Variants in LARS2 observed in about 807,000 individuals in gnomAD.
LARS2 encodes leucine--tRNA ligase, mitochondrial.
In LARS2, 81 loss-of-function variants were observed where a neutral mutation model predicts 116.6. The ratio of observed to expected loss-of-function variants is 0.69; its 90% CI spans 0.58 to 0.84. LARS2 has a LOEUF of 0.84. LARS2 is among the 40% of genes least tolerant of loss of function. LARS2 has a pLI of 0.00. For synonymous variants in LARS2, 396 were observed against 407.2 expected (o/e 0.97, Z 0.33); for missense variants, 968 against 1,114.5 (o/e 0.87, Z 1.87).
chr3:45,456,229 A>G (rs2125709218), intron 7 of LARS2, among the ~76,000 whole-genome samples: 1 of 152,276 alleles, frequency 6.6e-6, no homozygotes, highest in Admixed American at 6.5e-5. Flanking sequence ...ACATATATCA[A>G]AATATCACAC....
chr3:45,432,366 C>T (rs1698732129), intron 6 of LARS2, among the ~76,000 whole-genome samples: 1 of 152,074 alleles, frequency 6.6e-6, no homozygotes, highest in Non-Finnish European at 1.5e-5. Context: ...GGCAAGTGCA[C>T]ATGGGACATT....
In LARS2 at chr3:45,451,680, C is replaced by G. The variant is rs552103469; in HGVS notation, c.606+4700C>G. 7.2e-5 allele frequency among the ~76,000 whole-genome samples: 11 copies of G among 152,110 alleles called. No homozygotes were observed. In the South Asian group the frequency reaches 2.3e-3, roughly 32 times the overall value. On this transcript the variant is annotated intron_variant, in intron 7 of 21. Coordinates refer to ENST00000645846, the MANE Select transcript of LARS2 (RefSeq NM_015340.4). Reference sequence around the variant, plus strand: ...CTGTTTTTGCTCAGGATTGCTTTGGCTATTCAGGGTCTTTTGTGGTTCCAT... The same window carrying G: ...CTGTTTTTGCTCAGGATTGCTTTGGGTATTCAGGGTCTTTTGTGGTTCCAT...
rs529430400 is a variant in LARS2 at position 45,444,260 on chromosome 3, G to A, written c.517-2631G>A. Among the ~76,000 whole-genome samples the A allele has an allele frequency of 1.6e-4, 24 of 146,716 alleles. No homozygotes were observed. In the South Asian group the frequency reaches 4.5e-3, roughly 27 times the overall value. On this transcript the variant is annotated intron_variant, in intron 6 of 21. Transcript: ENST00000645846. ...AATCTCCTGACCTTGTGATCCCCCC[G>A]CCTCAGCCTCCCAAAGTGCTGGGAT...
At chr3:45,520,712 G>A (rs1700439379) in intron 19 of LARS2, among the ~76,000 whole-genome samples, 1 of 152,184 alleles carries the variant, frequency 6.6e-6, no homozygotes. Flanking sequence ...GATCAGGATC[G>A]TTCTCACCAA....
intron 8 of LARS2, among the ~76,000 whole-genome samples, chr3:45,468,445 A>G (rs756291694): frequency 3.9e-5 from 6 of 152,196 alleles, no homozygotes; most frequent in African/African-American, 4.8e-5. Flanking sequence ...AGTTGTAGCT[A>G]TTGGACTACT....
rs748839012 is a variant in LARS2, at chr3:45,417,625, A to G, written c.455+52A>G. On this transcript the variant is annotated intron_variant, in intron 5 of 21. Transcript: ENST00000645846. ...ACTTGCATACAAAAACCTTTAAAAA[A>G]TTTTTTTAACCTGTGCTTAAAAAAT... 5 of 1,395,112 alleles carry G rather than the reference A, an allele frequency of 3.6e-6. No homozygotes were observed. In the South Asian group the frequency reaches 5.9e-5, roughly 17 times the overall value. The allele number at this position is 1,395,112 out of a possible 1,614,324, so 86.4% of individuals were successfully genotyped here. A position where few individuals can be genotyped will look rare whatever the true frequency, so the allele number is the denominator to read the frequency against.
chr3:45,475,755 A>G (rs145283289), intron 9 of LARS2, among the ~76,000 whole-genome samples: 63 of 152,300 alleles, frequency 4.1e-4, no homozygotes, highest in African/African-American at 1.5e-3. Context: ...TGTGTCCCCA[A>G]TTCTGGCTCC....
intron 4 of LARS2, among the ~76,000 whole-genome samples, chr3:45,407,860 T>C (rs1045548392): frequency 6.6e-6 from 1 of 152,224 alleles, no homozygotes; most frequent in African/African-American, 2.4e-5. Flanking sequence ...GACCAGCTGC[T>C]TGGGCTTCCT....
At chr3:45,400,428 T>C in intron 4 of LARS2, 55 bp downstream of exon 4, 5 of 1,525,666 alleles carry the variant, frequency 3.3e-6, no homozygotes, top group Non-Finnish European at 4.4e-6. Flanking sequence ...AGGGTTGGCA[T>C]GTAGTAATAT....
At chr3:45,544,932 G>A in intron 21 of LARS2, among the ~76,000 whole-genome samples, 1 of 152,102 alleles carries the variant, frequency 6.6e-6, no homozygotes, top group East Asian at 1.9e-4. Flanking sequence ...AGGGCATAGG[G>A]CAGTGCTGGA....
At chr3:45,477,916 G>A (rs894678483) in intron 10 of LARS2, among the ~76,000 whole-genome samples, 1 of 152,072 alleles carries the variant, frequency 6.6e-6, no homozygotes, top group Admixed American at 6.6e-5. Flanking sequence ...GACCATTAAA[G>A]CCGGATTCAA....
At position 45,424,152 on chromosome 3, in the gene LARS2, A is replaced by G. The variant is rs56991752; in HGVS notation, c.516+4423A>G. ...TTTTTAGATGTAATCATTTGTGTCT[A>G]TTTGTGTGTGTATAGTAGTATAGGT... On this transcript the variant is annotated intron_variant, in intron 6 of 21. Coordinates refer to ENST00000645846, the MANE Select transcript of LARS2 (RefSeq NM_015340.4). 9.8e-3 allele frequency among the ~76,000 whole-genome samples: 1,485 copies of G among 152,276 alleles called. 22 individuals are homozygous for G. The highest frequency in any genetic ancestry group is 0.033 in the African/African-American group (1,369 of 41,550).
intron 15 of LARS2, among the ~76,000 whole-genome samples, chr3:45,505,368 A>C (rs1161704847): frequency 6.6e-6 from 1 of 151,886 alleles, no homozygotes; most frequent in Non-Finnish European, 1.5e-5. Flanking sequence ...ATTCAAACTT[A>C]AGTTAAAAAC....
intron 20 of LARS2, among the ~76,000 whole-genome samples, chr3:45,525,248 A>G (rs1700515918): frequency 1.3e-5 from 2 of 152,184 alleles, no homozygotes; most frequent in East Asian, 1.9e-4. Flanking sequence ...GGAAAAGCGA[A>G]TCTGTTTTAT....
In LARS2 at chr3:45,500,869, T is replaced by C. The variant is rs143562288; in HGVS notation, c.1760+290T>C. Among the ~76,000 whole-genome samples, 3 of 152,202 alleles carry C rather than the reference T, an allele frequency of 2.0e-5. No individual in the cohort carries two copies. The East Asian group carries it at 5.8e-4, about 30-fold the overall frequency. ...GGCAGAGAGGAGTGGCCCATAGTGT[T>C]TTATAGCATCTCATGTGAGGTCATG... On this transcript the variant is annotated intron_variant, in intron 15 of 21. Coordinates refer to ENST00000645846, the MANE Select transcript of LARS2 (RefSeq NM_015340.4).
At position 45,463,370 on chromosome 3, in the gene LARS2, C is replaced by T. The variant is rs186789196; in HGVS notation, c.750+4484C>T. Among the ~76,000 whole-genome samples, 36 of 152,328 alleles carry T rather than the reference C, an allele frequency of 2.4e-4. No homozygotes were observed. The South Asian group carries it at 3.1e-3, about 13-fold the overall frequency. ...GCATGCCTTCATGGTGCTTAGTCAA[C>T]CCCCATACCAAATTGGTGGTTATGT... On this transcript the variant is annotated intron_variant, in intron 8 of 21. Transcript: ENST00000645846.
chr3:45,523,835 A>G (rs1322002364), intron 19 of LARS2, among the ~76,000 whole-genome samples, 162 bp from the exon 20 acceptor site: 2 of 151,774 alleles, frequency 1.3e-5, no homozygotes, highest in Admixed American at 6.6e-5. Context: ...TCTCAGTGCT[A>G]TCATTAAGTA....
chr3:45,413,967 T>G (rs377684530), intron 4 of LARS2, among the ~76,000 whole-genome samples: 4 of 152,202 alleles, frequency 2.6e-5, no homozygotes, highest in Admixed American at 1.3e-4. Flanking sequence ...AAACTCCAGG[T>G]GCTCATGTGC....
chr3:45,539,761 A>G (rs1280898484), intron 20 of LARS2, among the ~76,000 whole-genome samples: 7 of 150,690 alleles, frequency 4.6e-5, no homozygotes, highest in African/African-American at 1.7e-4. Context: ...ATCTGTTCAT[A>G]TAAAATTTTT....
Sources: allele counts gnomAD v4.1 joint callset (sites outside exome capture counted in the v4.1 genomes callset), GRCh38; gene constraint gnomAD v4.1.1; transcripts MANE v1.5; gene names NCBI Gene and HGNC (gene_info 2026-07-23, HGNC 2026-07-21).